Variants in TEX2 observed in about 807,000 individuals in gnomAD.
TEX2 encodes the protein testis-expressed protein 2.
TEX2 carries 53 observed loss-of-function variants against 106.9 expected under a neutral mutation model. The observed-to-expected ratio is 0.50, with a 90% CI of 0.40 to 0.62. The LOEUF is 0.62. TEX2 is among the 20% of genes least tolerant of loss of function. TEX2 has a pLI of 0.00. For missense variants in TEX2, 1,207 were observed against 1,379.0 expected, an observed-to-expected ratio of 0.88 and a Z score of 1.98; for synonymous variants, 523 against 534.8, an observed-to-expected ratio of 0.98 and a Z score of 0.30.
intron 1 of TEX2, among the ~76,000 whole-genome samples, chr17:64,260,171 C>G (rs1336888708): frequency 3.3e-5 from 5 of 152,236 alleles, no homozygotes; most frequent in Admixed American, 2.0e-4. Flanking sequence ...CGGCATCTAA[C>G]TCTGGCTCCA....
intron 1 of TEX2, among the ~76,000 whole-genome samples, chr17:64,218,001 C>T (rs1555632838): frequency 1.3e-5 from 2 of 152,172 alleles, no homozygotes; most frequent in African/African-American, 4.8e-5. Context: ...AAAAACAGGT[C>T]TGGAGTCTGG....
chr17:64,184,262 A>AT (rs908418057), intron 5 of TEX2, among the ~76,000 whole-genome samples: 18 of 148,124 alleles, frequency 1.2e-4, no homozygotes, highest in East Asian at 4.1e-4. Flanking sequence ...TGTCTGGCTA[A>AT]TTTTTTTTTT....
chr17:64,171,452 T>C (rs1479438423), intron 6 of TEX2, among the ~76,000 whole-genome samples: 4 of 151,828 alleles, frequency 2.6e-5, no homozygotes, highest in Admixed American at 1.3e-4. Context: ...ACATAGACAA[T>C]ATACTTCCAG....
At chr17:64,256,640 TG>T (rs2034189904) in intron 1 of TEX2, among the ~76,000 whole-genome samples, 1 of 152,216 alleles carries the variant, frequency 6.6e-6, no homozygotes, top group Non-Finnish European at 1.5e-5. Context: ...ATATATATGA[TG>T]CATATGTCTA....
At chr17:64,216,690 C>T (rs2033198346) in intron 1 of TEX2, among the ~76,000 whole-genome samples, 1 of 152,192 alleles carries the variant, frequency 6.6e-6, no homozygotes, top group South Asian at 2.1e-4. Context: ...AGCAGTCAGG[C>T]CAGGCCCCAG....
In TEX2 at chr17:64,177,317, A is replaced by G. The variant is rs758873145; in HGVS notation, c.2571+8T>C. ...AGGATTAGAAGCCTCTTGTGTGGAAAGTGATACCTTTATTTTGCTGAGTTT... is the reference window on the plus strand; with the variant it reads ...AGGATTAGAAGCCTCTTGTGTGGAAGGTGATACCTTTATTTTGCTGAGTTT... On this transcript the variant is annotated splice_region_variant and intron_variant, in intron 6 of 11. Coordinates refer to ENST00000584379, the MANE Select transcript of TEX2 (RefSeq NM_001288732.2). The G allele has an allele frequency of 1.9e-6, 3 of 1,614,062 alleles. No individual in the cohort carries two copies. The Admixed American group carries it at 5.0e-5, about 27-fold the overall frequency.
At chr17:64,247,194 AG>A (rs2034004564) in intron 1 of TEX2, among the ~76,000 whole-genome samples, 1 of 151,476 alleles carries the variant, frequency 6.6e-6, no homozygotes, top group South Asian at 2.1e-4. Context: ...GCTTAAACCC[AG>A]GAGGTGGAGG....
intron 5 of TEX2, 136 bp downstream of exon 5, chr17:64,188,032 C>T: frequency 9.9e-7 from 1 of 1,008,730 alleles, no homozygotes; most frequent in Admixed American, 2.6e-5. Flanking sequence ...TACAAGTTCC[C>T]CAAAGGCAGG....
chr17:64,231,300 C>CA (rs369160022), intron 1 of TEX2, among the ~76,000 whole-genome samples: 4,887 of 152,226 alleles, frequency 0.032, 266 homozygotes, highest in African/African-American at 0.11. Flanking sequence ...CAAACATCAC[C>CA]CAAGCACCAC....
Position 64,185,162 on chromosome 17 carries a change from T to C in TEX2, c.2424+3006A>G, listed in dbSNP as rs543149929. Among the ~76,000 whole-genome samples the C allele has an allele frequency of 3.3e-4, 50 of 152,338 alleles. No homozygotes were observed. Among genetic ancestry groups the C allele is most frequent in the African/African-American group, 1.0e-3 (43 of 41,584 alleles). On this transcript the variant is annotated intron_variant, in intron 5 of 11. Transcript: ENST00000584379. The surrounding 1 kb of genome is among the most constrained non-coding windows in gnomAD (Gnocchi z 4.0). ...AGATGATGAGCACGACGAGTAGTAA[T>C]AAGGACAGGACTCTCCATACCGGGG...
Position 64,148,871 on chromosome 17 carries a change from G to T in TEX2, c.*98C>A. ...AGAAGCAGTCCTTTAAGAAACAGTA[G>T]CTGTGGCACAGAGGCCAGTGCTACA... On this transcript the variant is annotated 3_prime_UTR_variant, in exon 12 of 12. Transcript: ENST00000584379. 6.8e-7 allele frequency: 1 copy of T among 1,464,128 alleles called. No homozygotes were observed. The highest frequency in any genetic ancestry group is 9.3e-7 in the Non-Finnish European group (1 of 1,072,502). The allele number at this position is 1,464,128 out of a possible 1,614,324, so 90.7% of individuals were successfully genotyped here. A position where few individuals can be genotyped will look rare whatever the true frequency, so the allele number is the denominator to read the frequency against.
At chr17:64,189,799 T>C (rs1156398814) in intron 4 of TEX2, among the ~76,000 whole-genome samples, 2 of 151,928 alleles carry the variant, frequency 1.3e-5, no homozygotes, top group Non-Finnish European at 2.9e-5. Context: ...CTGGCCGACA[T>C]GATGAAACCC....
chr17:64,219,857 A>T (rs2143175462), intron 1 of TEX2, among the ~76,000 whole-genome samples: 1 of 152,336 alleles, frequency 6.6e-6, no homozygotes, highest in Non-Finnish European at 1.5e-5. Flanking sequence ...CCACTCAGAG[A>T]CGTCCACATC....
At chr17:64,231,590 T>C (rs1376737917) in intron 1 of TEX2, among the ~76,000 whole-genome samples, 1 of 152,212 alleles carries the variant, frequency 6.6e-6, no homozygotes, top group Non-Finnish European at 1.5e-5. Flanking sequence ...GTCACTTTAA[T>C]GCATATTAAT....
At chr17:64,202,406 C>T (rs1271664622) in intron 2 of TEX2, among the ~76,000 whole-genome samples, 1 of 152,172 alleles carries the variant, frequency 6.6e-6, no homozygotes, top group Non-Finnish European at 1.5e-5. Flanking sequence ...CCTTCACACT[C>T]CTACTGACCT....
chr17:64,216,891 G>C (rs115326203), intron 1 of TEX2, among the ~76,000 whole-genome samples: 136 of 152,256 alleles, frequency 8.9e-4, no homozygotes, highest in African/African-American at 3.2e-3. Flanking sequence ...GGCCAGATGG[G>C]GGCAGGCTCT....
intron 8 of TEX2, among the ~76,000 whole-genome samples, chr17:64,158,776 T>A (rs2143644664): frequency 6.6e-6 from 1 of 152,220 alleles, no homozygotes; most frequent in Non-Finnish European, 1.5e-5. Context: ...CCCGAAAGGG[T>A]CCTTTCTGAA....
chr17:64,183,838 C>T (rs1028532653), intron 5 of TEX2, among the ~76,000 whole-genome samples: 1 of 151,656 alleles, frequency 6.6e-6, no homozygotes, highest in East Asian at 1.9e-4. Flanking sequence ...GTCATCTTGC[C>T]CAGGCTGGTC....
intron 4 of TEX2, 135 bp from the exon 5 acceptor site, chr17:64,188,550 C>T: frequency 1.4e-6 from 2 of 1,398,112 alleles, no homozygotes; most frequent in Non-Finnish European, 1.9e-6. Flanking sequence ...GGCATGGTGG[C>T]TCACGCCTGT....
Sources: allele counts gnomAD v4.1 joint callset (sites outside exome capture counted in the v4.1 genomes callset), GRCh38; gene constraint gnomAD v4.1.1; non-coding constraint Gnocchi (gnomAD v3.1); transcripts MANE v1.5; gene names NCBI Gene and HGNC (gene_info 2026-07-23, HGNC 2026-07-21).